PTPRT: variants seen among roughly 807,000 people sequenced by gnomAD.
PTPRT encodes receptor-type tyrosine-protein phosphatase T.
In PTPRT, 56 loss-of-function variants were observed where a neutral mutation model predicts 176.8. That is an observed-to-expected ratio of 0.32 (90% confidence interval 0.26 to 0.40). PTPRT has a LOEUF of 0.40. Among genes scored for constraint, PTPRT ranks in the 10% least tolerant of loss-of-function variants. PTPRT has a pLI of 1.00. For synonymous variants in PTPRT, 783 were observed against 739.0 expected (o/e 1.06, Z -0.96); for missense variants, 1,540 against 1,908.2 (o/e 0.81, Z 3.60).
At chr20:42,390,185 A>G (rs559358117) in intron 9 of PTPRT, among the ~76,000 whole-genome samples, 5 of 152,332 alleles carry the variant, frequency 3.3e-5, no homozygotes, top group African/African-American at 1.2e-4. Flanking sequence ...GTCACTACAA[A>G]AAATTAAAAA....
intron 2 of PTPRT, among the ~76,000 whole-genome samples, chr20:42,795,577 A>G (rs2077442827): frequency 1.3e-5 from 2 of 152,246 alleles, no homozygotes; most frequent in Admixed American, 6.5e-5. Flanking sequence ...CTTGGGCACC[A>G]AGAGCTCAGC....
At chr20:43,090,492 T>A (rs905540747) in intron 1 of PTPRT, among the ~76,000 whole-genome samples, 1 of 152,110 alleles carries the variant, frequency 6.6e-6, no homozygotes, top group Non-Finnish European at 1.5e-5. Context: ...ATGGTCTTGA[T>A]ATTCTGACCT....
At chr20:42,968,504 C>T (rs1327155340) in intron 1 of PTPRT, among the ~76,000 whole-genome samples, 1 of 152,142 alleles carries the variant, frequency 6.6e-6, no homozygotes, top group African/African-American at 2.4e-5. Flanking sequence ...CACTGAGAGA[C>T]TTAAATGCAG....
At chr20:42,169,593 A>G (rs1020087125) in intron 16 of PTPRT, among the ~76,000 whole-genome samples, 2 of 152,082 alleles carry the variant, frequency 1.3e-5, no homozygotes, top group Admixed American at 6.6e-5. Flanking sequence ...TACCTCCTCT[A>G]TTTACTGGCA....
At chr20:43,010,177 T>G (rs1374147456) in intron 1 of PTPRT, among the ~76,000 whole-genome samples, 1 of 152,164 alleles carries the variant, frequency 6.6e-6, no homozygotes, top group East Asian at 1.9e-4. Flanking sequence ...CTTCCCACAC[T>G]GACCCACCTG....
At chr20:42,807,199 G>A (rs962584865) in intron 2 of PTPRT, among the ~76,000 whole-genome samples, 1 of 152,212 alleles carries the variant, frequency 6.6e-6, no homozygotes, top group African/African-American at 2.4e-5. Context: ...CTACTAGAGG[G>A]ACAGAGAAGG....
At chr20:42,300,127 C>T (rs2057441818) in intron 12 of PTPRT, among the ~76,000 whole-genome samples, 1 of 151,370 alleles carries the variant, frequency 6.6e-6, no homozygotes, top group Non-Finnish European at 1.5e-5. Flanking sequence ...GCATGATGGC[C>T]GGTGCCTGTA....
chr20:42,066,205 A>AT, the PTPRT span, among the ~76,000 whole-genome samples: 40,206 of 150,522 alleles, frequency 0.27, 6,034 homozygotes, highest in South Asian at 0.38. Flanking sequence ...ATGACGGCTG[A>AT]TTTTTTTTGT....
intron 1 of PTPRT, among the ~76,000 whole-genome samples, chr20:43,064,119 A>T (rs1987583067): frequency 6.6e-6 from 1 of 152,172 alleles, no homozygotes; most frequent in African/African-American, 2.4e-5. Flanking sequence ...ACAGAGTGAG[A>T]CCACATTTCC....
At chr20:43,113,475 G>A (rs997349608) in intron 1 of PTPRT, among the ~76,000 whole-genome samples, 2 of 152,108 alleles carry the variant, frequency 1.3e-5, no homozygotes, top group Non-Finnish European at 2.9e-5. Flanking sequence ...ATTTTTATTA[G>A]ATCCTCTACT....
In PTPRT at chr20:42,167,829, A is replaced by G. The variant is rs533538962; in HGVS notation, c.2492-6287T>C. ...CAGATTTCTAGCTATAGGACCTCAA[A>G]TAAGTTACAGCTGACCCTTGAATAA... On this transcript the variant is annotated intron_variant, in intron 16 of 30. Coordinates refer to ENST00000373187, the MANE Select transcript of PTPRT (RefSeq NM_007050.6). 4.5e-4 allele frequency among the ~76,000 whole-genome samples: 68 copies of G among 152,326 alleles called. 1 individual carries two copies. The highest frequency in any genetic ancestry group is 1.6e-3 in the African/African-American group (65 of 41,578).
intron 16 of PTPRT, among the ~76,000 whole-genome samples, chr20:42,188,116 G>A (rs1990852054): frequency 6.6e-6 from 1 of 152,186 alleles, no homozygotes; most frequent in Admixed American, 6.5e-5. Context: ...GATTGGCCTA[G>A]ATGTAAATGT....
At chr20:42,415,418 C>T (rs1003395589) in intron 9 of PTPRT, among the ~76,000 whole-genome samples, 1 of 151,994 alleles carries the variant, frequency 6.6e-6, no homozygotes, top group Non-Finnish European at 1.5e-5. Flanking sequence ...CACTACACTG[C>T]CCAGGCTGCT....
At chr20:42,776,065 G>T (rs2145482502) in intron 4 of PTPRT, among the ~76,000 whole-genome samples, 1 of 152,284 alleles carries the variant, frequency 6.6e-6, no homozygotes, top group African/African-American at 2.4e-5. Flanking sequence ...AGCCTGCTCA[G>T]TTCTTCCCAG....
chr20:43,170,122 G>T (rs975299418), intron 1 of PTPRT, among the ~76,000 whole-genome samples: 2 of 151,688 alleles, frequency 1.3e-5, no homozygotes, highest in African/African-American at 4.8e-5. Context: ...GAGACCATGG[G>T]CATTCCACTC....
At chr20:42,473,257 G>A (rs955637241) in intron 7 of PTPRT, among the ~76,000 whole-genome samples, 4 of 152,062 alleles carry the variant, frequency 2.6e-5, no homozygotes, top group African/African-American at 9.7e-5. Flanking sequence ...TCACCCTAAT[G>A]CTGTCTCCCA....
intron 13 of PTPRT, among the ~76,000 whole-genome samples, chr20:42,280,797 A>G (rs2057126364): frequency 6.6e-6 from 1 of 152,144 alleles, no homozygotes; most frequent in Non-Finnish European, 1.5e-5. Flanking sequence ...AGTTTTCAGG[A>G]GAGTATAGTT....
chr20:42,641,771 G>A, intron 7 of PTPRT, among the ~76,000 whole-genome samples: 1 of 152,108 alleles, frequency 6.6e-6, no homozygotes, highest in Non-Finnish European at 1.5e-5. Context: ...GAGAGGCAAG[G>A]CAAAGGCTAG....
At chr20:42,825,102 T>C (rs1487350061) in intron 2 of PTPRT, among the ~76,000 whole-genome samples, 1 of 152,130 alleles carries the variant, frequency 6.6e-6, no homozygotes, top group East Asian at 1.9e-4. Flanking sequence ...AATTACCTGA[T>C]GCTTGGACTA....
Sources: allele counts gnomAD v4.1 joint callset (sites outside exome capture counted in the v4.1 genomes callset), GRCh38; gene constraint gnomAD v4.1.1; transcripts MANE v1.5; gene names NCBI Gene and HGNC (gene_info 2026-07-23, HGNC 2026-07-21).